TMPO: variants seen among roughly 807,000 people sequenced by gnomAD.
TMPO encodes LEM domain containing 4.
TMPO carries 22 observed loss-of-function variants against 45.4 expected under a neutral mutation model. The ratio of observed to expected loss-of-function variants is 0.48; its 90% CI spans 0.35 to 0.69. The LOEUF (loss-of-function observed/expected upper bound fraction) is 0.69. Among genes scored for constraint, TMPO ranks in the 30% least tolerant of loss-of-function variants. TMPO has a pLI of 0.01. For synonymous variants in TMPO, 241 were observed against 204.1 expected (o/e 1.18, Z -1.54); for missense variants, 512 against 548.8 (o/e 0.93, Z 0.67).
rs1002331185 is a variant in TMPO, at chr12:98,544,712, A to C, written c.879+175A>C. The stretch of plus-strand genomic sequence containing the variant: ...ATTTTAGAATTTTCCTATAATATCC[A>C]ATTTATGTAAAGAAATCTAATTCAT... On this transcript the variant is annotated intron_variant, in intron 6 of 8. Transcript: ENST00000556029. The C allele has an allele frequency of 2.7e-4, 178 of 652,364 alleles. 4 individuals carry two copies. In the Middle Eastern group the frequency reaches 4.9e-3, roughly 18 times the overall value. 40.4% of individuals were successfully genotyped at this position (652,364 alleles called of 1,614,324 possible). A position where few individuals can be genotyped will look rare whatever the true frequency, so the allele number is the denominator to read the frequency against.
intron 1 of TMPO, among the ~76,000 whole-genome samples, chr12:98,520,673 G>C (rs547766109): frequency 1.4e-4 from 21 of 151,302 alleles, no homozygotes; most frequent in African/African-American, 5.1e-4. Context: ...ATCCCAGCTG[G>C]AGTGCAGTGG....
intron 1 of TMPO, among the ~76,000 whole-genome samples, chr12:98,527,348 A>AC (rs1876847525): frequency 7.5e-6 from 1 of 132,832 alleles, no homozygotes; most frequent in African/African-American, 2.7e-5. Flanking sequence ...AAAAAAAAAA[A>AC]AACAAAAAAA....
intron 1 of TMPO, among the ~76,000 whole-genome samples, chr12:98,521,835 T>C (rs1454605652): frequency 1.3e-5 from 2 of 152,128 alleles, no homozygotes; most frequent in East Asian, 1.9e-4. Flanking sequence ...GTTCAAGTGA[T>C]TCTCCTGCCT....
chr12:98,545,809 T>C (rs1247748186), intron 7 of TMPO, among the ~76,000 whole-genome samples: 1 of 152,118 alleles, frequency 6.6e-6, no homozygotes, highest in African/African-American at 2.4e-5. Context: ...CTCAGCTCAC[T>C]GCAACCTCCG....
intron 2 of TMPO, among the ~76,000 whole-genome samples, chr12:98,528,983 G>A (rs889107836): frequency 6.6e-6 from 1 of 151,744 alleles, no homozygotes; most frequent in East Asian, 1.9e-4. Context: ...AATAAATAAG[G>A]GAAAAAGAAA....
chr12:98,540,261 T>A lies in TMPO; in HGVS notation c.663+2689T>A, dbSNP rs139844212. On this transcript the variant is annotated intron_variant, in intron 4 of 8. Coordinates refer to ENST00000556029, the MANE Select transcript of TMPO (RefSeq NM_001032283.3). ...CTGTAGTGAGGCTATGCAGTAGACC[T>A]TTCTGTGATAGAAATTTTTCATACC... Among the ~76,000 whole-genome samples the A allele has an allele frequency of 6.2e-4, 95 of 152,368 alleles. 1 individual carries two copies. The highest frequency in any genetic ancestry group is 2.2e-3 in the African/African-American group (92 of 41,584).
intron 1 of TMPO, among the ~76,000 whole-genome samples, chr12:98,523,163 A>T (rs1876499824): frequency 6.6e-6 from 1 of 152,232 alleles, no homozygotes; most frequent in South Asian, 2.1e-4. Flanking sequence ...ACTGCTAATC[A>T]TGTACAGCAC....
Position 98,544,226 on chromosome 12 carries a change from A to G in TMPO, c.664-4A>G, listed in dbSNP as rs1878083392. The G allele has an allele frequency of 6.2e-7, 1 of 1,613,604 alleles. No individual in the cohort carries two copies. Among genetic ancestry groups the G allele is most frequent in the Admixed American group, 1.7e-5 (1 of 60,002 alleles). On this transcript the variant is annotated splice_polypyrimidine_tract_variant and splice_region_variant and intron_variant, in intron 4 of 8. Coordinates refer to ENST00000556029, the MANE Select transcript of TMPO (RefSeq NM_001032283.3). ...GACTTTTTAATGTGTTGATGCTTGA[A>G]TAGAGCTATTCTCAAGCTGGAATAA...
intron 1 of TMPO, among the ~76,000 whole-genome samples, chr12:98,522,657 C>G (rs1056052594): frequency 3.3e-5 from 5 of 152,106 alleles, no homozygotes; most frequent in Admixed American, 6.5e-5. Context: ...GAATTTTTGT[C>G]TTTAATGTCA....
intron 1 of TMPO, among the ~76,000 whole-genome samples, chr12:98,527,330 C>A (rs866577192): frequency 7.4e-5 from 8 of 108,420 alleles, no homozygotes; most frequent in Admixed American, 9.4e-5. Context: ...AAAACCCCAT[C>A]TCTACAAAAA....
chr12:98,546,211 C>T (rs1271102364), intron 7 of TMPO, 148 bp from the exon 8 acceptor site: 1 of 666,616 alleles, frequency 1.5e-6, no homozygotes. Context: ...ATGTGGATAC[C>T]TAAATAATAA....
intron 2 of TMPO, among the ~76,000 whole-genome samples, chr12:98,529,788 G>T (rs1236586956): frequency 6.6e-6 from 1 of 151,992 alleles, no homozygotes; most frequent in African/African-American, 2.4e-5. Context: ...TGAACTCCTG[G>T]GCTCAAGCAG....
chr12:98,537,912 A>G (rs1277609164), intron 4 of TMPO, among the ~76,000 whole-genome samples: 1 of 152,284 alleles, frequency 6.6e-6, no homozygotes, highest in East Asian at 1.9e-4. Flanking sequence ...GAAGGGTTTT[A>G]TATTTGTGTC....
rs1389142749 is a variant in TMPO, at chr12:98,515,791, C to T, written c.-77C>T. The T allele has an allele frequency of 6.4e-7, 1 of 1,554,534 alleles. No homozygotes were observed. The highest frequency in any genetic ancestry group is 1.9e-5 in the Admixed American group (1 of 51,336). Reference sequence around the variant, plus strand: ...TGAGGCTCGGAGGCGGCAGCGCGGTCCCCGGCCAGGAGCAAGCGCGCCGGC... The same window carrying T: ...TGAGGCTCGGAGGCGGCAGCGCGGTTCCCGGCCAGGAGCAAGCGCGCCGGC... On this transcript the variant is annotated 5_prime_UTR_variant, in exon 1 of 9. Coordinates refer to ENST00000556029, the MANE Select transcript of TMPO (RefSeq NM_001032283.3).
At chr12:98,532,832 A>G in intron 3 of TMPO, 1 of 1,614,202 alleles carries the variant, frequency 6.2e-7, no homozygotes. Flanking sequence ...GGAAAGAAGA[A>G]AGAACACAAG....
chr12:98,534,735 A>C (rs1173153602), intron 3 of TMPO: 1 of 1,036,420 alleles, frequency 9.6e-7, no homozygotes, highest in African/African-American at 1.7e-5. Context: ...TTTGTTACAC[A>C]TTCAGAACAG....
intron 3 of TMPO, 95 bp downstream of exon 3, chr12:98,531,933 C>T: frequency 2.0e-6 from 2 of 978,492 alleles, no homozygotes; most frequent in Non-Finnish European, 3.0e-6. Flanking sequence ...ACAATATTGG[C>T]AAGATACACA....
intron 3 of TMPO, chr12:98,533,384 C>A: frequency 6.2e-7 from 1 of 1,614,222 alleles, no homozygotes; most frequent in East Asian, 2.2e-5. Context: ...CTTGCCCAGG[C>A]AATCAGAGAT....
At chr12:98,534,090 C>T in intron 3 of TMPO, 1 of 1,612,112 alleles carries the variant, frequency 6.2e-7, no homozygotes. Flanking sequence ...CTAGTCGTAC[C>T]CACCAAGCGC....
Sources: allele counts gnomAD v4.1 joint callset (sites outside exome capture counted in the v4.1 genomes callset), GRCh38; gene constraint gnomAD v4.1.1; transcripts MANE v1.5; gene names NCBI Gene and HGNC (gene_info 2026-07-23, HGNC 2026-07-21).